Variants in CNTNAP2 observed in about 807,000 individuals in gnomAD.
The protein encoded by CNTNAP2 is contactin-associated protein-like 2.
CNTNAP2 carries 98 observed loss-of-function variants against 155.2 expected under a neutral mutation model. That is an observed-to-expected ratio of 0.63 (90% CI 0.54 to 0.75). CNTNAP2 has a LOEUF of 0.75. Ranked by LOEUF, CNTNAP2 falls within the 30% of genes least tolerant of loss-of-function variation. The pLI is 0.00. For synonymous variants in CNTNAP2, 651 were observed against 631.2 expected (o/e 1.03, Z -0.47); for missense variants, 1,727 against 1,688.1 (o/e 1.02, Z -0.40).
intron 3 of CNTNAP2, among the ~76,000 whole-genome samples, chr7:146,939,239 A>G (rs534956845): frequency 1.3e-5 from 2 of 152,264 alleles, no homozygotes; most frequent in East Asian, 1.9e-4. Context: ...GTTCTATAGT[A>G]TGTTTCAGAA....
In CNTNAP2 at chr7:147,904,900, T is replaced by TACACACACACAC. The variant is rs58242194; in HGVS notation, c.2255+1198_2255+1209dup. On this transcript the variant is annotated intron_variant, in intron 14 of 23. Transcript: ENST00000361727. ...ATTTTATTTCTTTGAAAGATGTATC[T>TACACACACACAC]ACACACACACACACACACACACACA... Among the ~76,000 whole-genome samples the TACACACACACAC allele has an allele frequency of 1.5e-3, 228 of 149,200 alleles. 1 individual carries two copies. The highest frequency in any genetic ancestry group is 2.5e-3 in the Non-Finnish European group (167 of 67,264).
chr7:146,456,249 G>A (rs972617954), intron 1 of CNTNAP2, among the ~76,000 whole-genome samples: 2 of 152,124 alleles, frequency 1.3e-5, no homozygotes, highest in Non-Finnish European at 2.9e-5. Flanking sequence ...AGGTATGTAT[G>A]TATATATGTA....
At position 148,087,420 on chromosome 7, in the gene CNTNAP2, A is replaced by G. The variant is rs538022949; in HGVS notation, c.2384-30698A>G. Among the ~76,000 whole-genome samples the G allele has an allele frequency of 2.5e-3, 379 of 152,288 alleles. 1 individual carries two copies. The highest frequency in any genetic ancestry group is 8.7e-3 in the African/African-American group (361 of 41,556). On this transcript the variant is annotated intron_variant, in intron 15 of 23. Coordinates refer to ENST00000361727, the MANE Select transcript of CNTNAP2 (RefSeq NM_014141.6). ...ATTTACCCTTCTTTAAATTATAACTATCTTTTTATATGGCTTATATTAACT... is the reference window on the plus strand; with the variant it reads ...ATTTACCCTTCTTTAAATTATAACTGTCTTTTTATATGGCTTATATTAACT...
At chr7:147,390,602 C>T (rs1218799776) in intron 9 of CNTNAP2, among the ~76,000 whole-genome samples, 1 of 152,016 alleles carries the variant, frequency 6.6e-6, no homozygotes, top group Non-Finnish European at 1.5e-5. Context: ...CTCCTAGGTG[C>T]CTCTCCATCT....
intron 11 of CNTNAP2, among the ~76,000 whole-genome samples, chr7:147,543,600 G>C (rs1799677548): frequency 6.6e-6 from 1 of 152,102 alleles, no homozygotes; most frequent in South Asian, 2.1e-4. Context: ...AGGACATGAA[G>C]ATTATCTAAT....
intron 1 of CNTNAP2, among the ~76,000 whole-genome samples, chr7:146,708,613 T>TA (rs1362861998): frequency 1.4e-5 from 2 of 140,012 alleles, no homozygotes; most frequent in South Asian, 2.4e-4. Context: ...TTTTTTTTTT[T>TA]TGAGATGGAG....
intron 1 of CNTNAP2, among the ~76,000 whole-genome samples, chr7:146,768,005 CTA>C: frequency 6.6e-6 from 1 of 152,194 alleles, no homozygotes; most frequent in Non-Finnish European, 1.5e-5. Flanking sequence ...TGACCCTCAA[CTA>C]TGTCTAAAAA....
intron 1 of CNTNAP2, among the ~76,000 whole-genome samples, chr7:146,332,867 GA>G (rs1409205832): frequency 5.9e-5 from 9 of 151,538 alleles, no homozygotes; most frequent in Non-Finnish European, 1.2e-4. Context: ...AATTTACTAT[GA>G]GGGGTAAATG....
intron 1 of CNTNAP2, among the ~76,000 whole-genome samples, chr7:146,570,109 C>A (rs1798418198): frequency 6.6e-6 from 1 of 152,058 alleles, no homozygotes; most frequent in Non-Finnish European, 1.5e-5. Flanking sequence ...TTCTCTTTGC[C>A]CTATTTCAGC....
rs851721 is a variant in CNTNAP2, at chr7:147,707,990, G to C, written c.2098+68684G>C. On this transcript the variant is annotated intron_variant, in intron 13 of 23. Coordinates refer to ENST00000361727, the MANE Select transcript of CNTNAP2 (RefSeq NM_014141.6). ...TGGATGTCATGTCTGGACATAGAGT[G>C]GGGGAGAGAGCCAGGACTGGTGGAC... Among the ~76,000 whole-genome samples the C allele has an allele frequency of 1.2e-4, 18 of 151,978 alleles. 1 individual carries two copies. The South Asian group carries it at 3.5e-3, about 30-fold the overall frequency.
intron 1 of CNTNAP2, among the ~76,000 whole-genome samples, chr7:146,238,994 A>T (rs1318638600): frequency 6.6e-6 from 1 of 152,170 alleles, no homozygotes; most frequent in Admixed American, 6.5e-5. Context: ...TTACAATTCA[A>T]GATGAGATTT....
chr7:146,947,776 G>A (rs1265594418), intron 3 of CNTNAP2, among the ~76,000 whole-genome samples: 1 of 151,004 alleles, frequency 6.6e-6, no homozygotes, highest in Non-Finnish European at 1.5e-5. Flanking sequence ...GACATGGTGG[G>A]GTGCCTGTAG....
rs552883302 is a variant in CNTNAP2 at position 147,549,877 on chromosome 7, C to T, written c.1778-12261C>T. Among the ~76,000 whole-genome samples the T allele has an allele frequency of 3.9e-5, 6 of 152,214 alleles. No homozygotes were observed. The East Asian group carries it at 7.7e-4, about 20-fold the overall frequency. ...GAGCTATTTATTTAAATAACACACG[C>T]ATTATATTTGAATTATTTGGTTGCA... On this transcript the variant is annotated intron_variant, in intron 11 of 23. Coordinates refer to ENST00000361727, the MANE Select transcript of CNTNAP2 (RefSeq NM_014141.6).
At chr7:146,485,171 T>C (rs1237186211) in intron 1 of CNTNAP2, among the ~76,000 whole-genome samples, 1 of 152,104 alleles carries the variant, frequency 6.6e-6, no homozygotes, top group East Asian at 1.9e-4. Flanking sequence ...CTATTTTTTT[T>C]TTGCAATGTT....
intron 5 of CNTNAP2, among the ~76,000 whole-genome samples, chr7:147,112,896 C>T (rs1800910828): frequency 6.6e-6 from 1 of 152,004 alleles, no homozygotes; most frequent in Admixed American, 6.6e-5. Flanking sequence ...TGATGCTGGC[C>T]TCATAGAGTG....
chr7:146,441,248 G>C (rs958689787), intron 1 of CNTNAP2, among the ~76,000 whole-genome samples: 2 of 151,550 alleles, frequency 1.3e-5, no homozygotes, highest in African/African-American at 4.9e-5. Context: ...TTCTCTGGAA[G>C]ACAACTTAAT....
At chr7:147,456,591 G>A (rs1341270702) in intron 10 of CNTNAP2, among the ~76,000 whole-genome samples, 4 of 152,094 alleles carry the variant, frequency 2.6e-5, no homozygotes, top group South Asian at 2.1e-4. Context: ...CAGAAGAAAG[G>A]AAAGAGGAAA....
At chr7:146,420,756 C>A (rs1288532595) in intron 1 of CNTNAP2, among the ~76,000 whole-genome samples, 1 of 151,968 alleles carries the variant, frequency 6.6e-6, no homozygotes, top group Admixed American at 6.6e-5. Flanking sequence ...CATGATATTA[C>A]AATAATTCCA....
At chr7:146,680,781 A>G (rs1377249515) in intron 1 of CNTNAP2, among the ~76,000 whole-genome samples, 12 of 152,188 alleles carry the variant, frequency 7.9e-5, no homozygotes, top group Non-Finnish European at 1.5e-4. Flanking sequence ...TTATAGTCAC[A>G]TGGATCCGGG....
Sources: gnomAD v4.1 joint callset for allele counts (sites outside exome capture counted in the v4.1 genomes callset) on GRCh38, gnomAD v4.1.1 for gene constraint, MANE v1.5 for transcripts, NCBI Gene and HGNC (gene_info 2026-07-23, HGNC 2026-07-21) for gene names.